The following SLC35F1 variants were observed in gnomAD, a reference collection of about 807,000 sequenced individuals.
The protein encoded by SLC35F1 is chromosome 6 open reading frame 169.
SLC35F1 carries 14 observed loss-of-function variants against 48.7 expected under a neutral mutation model. The ratio of observed to expected loss-of-function variants is 0.29; its 90% CI spans 0.19 to 0.45. SLC35F1 has a LOEUF of 0.45. Among genes scored for constraint, SLC35F1 ranks in the 20% least tolerant of loss-of-function variants. SLC35F1 has a pLI of 1.00. For missense variants in SLC35F1, 404 were observed against 500.0 expected (o/e 0.81, Z 1.83); for synonymous variants, 190 against 202.2 (o/e 0.94, Z 0.51).
intron 2 of SLC35F1, among the ~76,000 whole-genome samples, chr6:118,190,441 TA>T (rs541433945): frequency 0.026 from 3,770 of 145,742 alleles, 162 homozygotes; most frequent in African/African-American, 0.087. Context: ...TAATTTTGCT[TA>T]AAAAAAAAAA....
chr6:118,286,998 T>C lies in SLC35F1; in HGVS notation c.1002+1660T>C, dbSNP rs1343825244. Among the ~76,000 whole-genome samples, 4 of 152,190 alleles carry C rather than the reference T, an allele frequency of 2.6e-5. No individual in the cohort carries two copies. The East Asian group carries it at 7.7e-4, about 29-fold the overall frequency. ...AGTTCCTATTTTATATGGAGCCTTT[T>C]GCCCAATACAGTGGCAAAACCGAGA... On this transcript the variant is annotated intron_variant, in intron 7 of 7. Coordinates refer to ENST00000360388, the MANE Select transcript of SLC35F1 (RefSeq NM_001029858.4).
At chr6:118,049,692 G>A (rs1471418700) in intron 1 of SLC35F1, among the ~76,000 whole-genome samples, 19 of 151,786 alleles carry the variant, frequency 1.3e-4, no homozygotes, top group African/African-American at 2.7e-4. Context: ...TTAGAATGGC[G>A]ATCATTAAAA....
intron 1 of SLC35F1, among the ~76,000 whole-genome samples, chr6:117,920,532 G>T (rs540527474): frequency 6.6e-6 from 1 of 152,336 alleles, no homozygotes; most frequent in Non-Finnish European, 1.5e-5. Flanking sequence ...CCACCACCCA[G>T]TGAGTGCTGG....
At chr6:118,010,939 A>G (rs1361816197) in intron 1 of SLC35F1, among the ~76,000 whole-genome samples, 1 of 152,166 alleles carries the variant, frequency 6.6e-6, no homozygotes. Context: ...ATTGTGGATG[A>G]TTTTGTCCCC....
intron 2 of SLC35F1, among the ~76,000 whole-genome samples, chr6:118,190,106 C>A (rs561586329): frequency 1.3e-5 from 2 of 152,110 alleles, no homozygotes; most frequent in Non-Finnish European, 2.9e-5. Context: ...CCCTTTTAGT[C>A]GTTTTCTTCA....
intron 1 of SLC35F1, among the ~76,000 whole-genome samples, chr6:118,078,058 C>CT (rs919418336): frequency 4.0e-5 from 6 of 150,588 alleles, no homozygotes; most frequent in East Asian, 1.9e-4. Flanking sequence ...GCAATGGAAC[C>CT]TTTTTTTTTA....
chr6:118,003,450 C>T (rs9374698), intron 1 of SLC35F1, among the ~76,000 whole-genome samples: 92,794 of 152,082 alleles, frequency 0.61, 28,819 homozygotes, highest in East Asian at 0.81. Flanking sequence ...CTGTGGTCTT[C>T]GGATGGGTCA....
Position 118,039,881 on chromosome 6 carries a change from A to C in SLC35F1, c.174-114564A>C, listed in dbSNP as rs1426118269. Among the ~76,000 whole-genome samples the C allele has an allele frequency of 6.6e-5, 9 of 137,106 alleles. No homozygotes were observed. The Admixed American group carries it at 7.5e-4, about 11-fold the overall frequency. The allele number at this position is 137,106 out of a possible 152,430, so 89.9% of individuals were successfully genotyped here. On this transcript the variant is annotated intron_variant, in intron 1 of 7. Coordinates refer to ENST00000360388, the MANE Select transcript of SLC35F1 (RefSeq NM_001029858.4). Reference sequence around the variant, plus strand: ...ATGTGTATGCTGGACACTAAATGTTATGTTATATAGACTTTGGGTTCTGTT... The same window carrying C: ...ATGTGTATGCTGGACACTAAATGTTCTGTTATATAGACTTTGGGTTCTGTT...
Position 118,275,608 on chromosome 6 carries a change from A to G in SLC35F1, c.787A>G (p.Ile263Val), listed in dbSNP as rs1402083990. ...IGLFGAFFSG[I>V]QLAIMEHKEL... ...TCTCTTTGGAGCATTTTTCAGTGGA[A>G]TTCAATTGTGAGTAAAAATAACAAG... Residue 263 changes from isoleucine to valine, a missense_variant, in exon 5 of 8, where the codon ATT (isoleucine) becomes GTT (valine). By Grantham distance (29) the Ile-to-Val change is conservative. Coordinates refer to ENST00000360388, the MANE Select transcript of SLC35F1 (RefSeq NM_001029858.4). 6.2e-7 allele frequency: 1 copy of G among 1,613,642 alleles called. No homozygotes were observed. Among genetic ancestry groups the G allele is most frequent in the South Asian group, 1.1e-5 (1 of 91,026 alleles).
chr6:118,148,410 A>G (rs1306275417), intron 1 of SLC35F1, among the ~76,000 whole-genome samples: 2 of 152,212 alleles, frequency 1.3e-5, no homozygotes, highest in East Asian at 3.8e-4. Flanking sequence ...TTGAATATCT[A>G]ATTTGTAACA....
At chr6:117,961,234 A>G (rs2114835321) in intron 1 of SLC35F1, among the ~76,000 whole-genome samples, 1 of 152,312 alleles carries the variant, frequency 6.6e-6, no homozygotes, top group Non-Finnish European at 1.5e-5. Flanking sequence ...ATCGCCATGA[A>G]TGGATAACTG....
At chr6:117,972,222 C>G (rs1053239222) in intron 1 of SLC35F1, among the ~76,000 whole-genome samples, 3 of 152,340 alleles carry the variant, frequency 2.0e-5, no homozygotes, top group African/African-American at 2.4e-5. Flanking sequence ...TAGTTCCCAA[C>G]AAACTCCACA....
At chr6:118,012,235 C>T (rs1777258246) in intron 1 of SLC35F1, among the ~76,000 whole-genome samples, 1 of 150,976 alleles carries the variant, frequency 6.6e-6, no homozygotes, top group Non-Finnish European at 1.5e-5. Context: ...TACTTTTTAC[C>T]TTGTAGTAAA....
chr6:118,159,002 C>T (rs945262718), intron 2 of SLC35F1, among the ~76,000 whole-genome samples: 1 of 152,004 alleles, frequency 6.6e-6, no homozygotes, highest in African/African-American at 2.4e-5. Context: ...GGGCAGACCA[C>T]GAGGTCAGAA....
intron 7 of SLC35F1, among the ~76,000 whole-genome samples, chr6:118,296,385 C>A (rs1392230255): frequency 6.6e-6 from 1 of 152,152 alleles, no homozygotes; most frequent in African/African-American, 2.4e-5. Context: ...GTCTACAGCC[C>A]CTCCCATTCT....
intron 1 of SLC35F1, among the ~76,000 whole-genome samples, chr6:118,138,290 T>C (rs538433749): frequency 6.9e-6 from 1 of 144,126 alleles, no homozygotes; most frequent in East Asian, 2.0e-4. Flanking sequence ...CCTTGTATCA[T>C]AGCAAGACTC....
chr6:117,949,163 CAA>C (rs1285575792), intron 1 of SLC35F1, among the ~76,000 whole-genome samples: 2 of 152,116 alleles, frequency 1.3e-5, no homozygotes, highest in African/African-American at 2.4e-5. Flanking sequence ...AGTGGTTTTT[CAA>C]AGTCTTATAC....
intron 1 of SLC35F1, among the ~76,000 whole-genome samples, chr6:118,100,475 G>A (rs1773240859): frequency 6.6e-6 from 1 of 152,126 alleles, no homozygotes; most frequent in Non-Finnish European, 1.5e-5. Flanking sequence ...TAATTCACTG[G>A]AACCACTCAC....
chr6:118,216,960 C>T lies in SLC35F1; in HGVS notation c.350-18549C>T, dbSNP rs1383859336. ...GAGTTAGATTCCAGCGTGATTCAAA[C>T]TGAGTTGTCATGCAATGGCCTGAGG... On this transcript the variant is annotated intron_variant, in intron 2 of 7. Transcript: ENST00000360388. 2.6e-5 allele frequency among the ~76,000 whole-genome samples: 4 copies of T among 152,210 alleles called. No homozygotes were observed. In the East Asian group the frequency reaches 7.7e-4, roughly 29 times the overall value.
Sources: gnomAD v4.1 joint callset for allele counts (sites outside exome capture counted in the v4.1 genomes callset) on GRCh38, gnomAD v4.1.1 for gene constraint, MANE v1.5 for transcripts, NCBI Gene and HGNC (gene_info 2026-07-23, HGNC 2026-07-21) for gene names.